DCLK2: variants seen among roughly 807,000 people sequenced by gnomAD.
DCLK2 encodes serine/threonine-protein kinase DCLK2.
A neutral mutation model predicts 78.4 loss-of-function variants in DCLK2; 31 were observed. The ratio of observed to expected loss-of-function variants is 0.40; its 90% CI spans 0.30 to 0.53. The LOEUF (loss-of-function observed/expected upper bound fraction) is 0.53, where lower values mean the gene tolerates loss of function less well. DCLK2 is among the 20% of genes least tolerant of loss of function. DCLK2 has a pLI of 0.61. For synonymous variants in DCLK2, 407 were observed against 374.9 expected (o/e 1.09, Z -0.99); for missense variants, 872 against 973.7 (o/e 0.90, Z 1.39).
intron 2 of DCLK2, among the ~76,000 whole-genome samples, chr4:150,144,891 T>C (rs1349574958): frequency 2.0e-5 from 3 of 152,212 alleles, no homozygotes; most frequent in African/African-American, 7.2e-5. Context: ...TAGCGTGTTT[T>C]CTCTAATTCT....
intron 2 of DCLK2, among the ~76,000 whole-genome samples, chr4:150,184,333 A>G (rs1231840632): frequency 6.6e-6 from 1 of 152,200 alleles, no homozygotes; most frequent in Non-Finnish European, 1.5e-5. Flanking sequence ...AGCCACTTAA[A>G]ATAGTGTTTC....
At chr4:150,142,332 A>G (rs1296670295) in intron 2 of DCLK2, among the ~76,000 whole-genome samples, 1 of 152,196 alleles carries the variant, frequency 6.6e-6, no homozygotes, top group Non-Finnish European at 1.5e-5. Flanking sequence ...GGGTAATTTG[A>G]GATGTCGTGA....
chr4:150,230,157 C>G (rs1741929939), intron 8 of DCLK2, among the ~76,000 whole-genome samples: 1 of 152,140 alleles, frequency 6.6e-6, no homozygotes, highest in East Asian at 1.9e-4. Flanking sequence ...AAGTAGAATT[C>G]AGTAGGCTAA....
At position 150,080,111 on chromosome 4, in the gene DCLK2, G is replaced by GCC. The variant is rs540978992; in HGVS notation, c.421+672_421+673dup. Among the ~76,000 whole-genome samples the GCC allele has an allele frequency of 1.9e-3, 244 of 129,620 alleles. 7 individuals carry two copies. The highest frequency in any genetic ancestry group is 4.8e-3 in the African/African-American group (178 of 37,364). 85.0% of individuals were successfully genotyped at this position (129,620 alleles called of 152,430 possible). A position where few individuals can be genotyped will look rare whatever the true frequency, so the allele number is the denominator to read the frequency against. The stretch of plus-strand genomic sequence containing the variant: ...GGGTTAGGCGTCTGGAGTCTCAAAA[G>GCC]CCCCCCCCCCAGGTGATTCTAATGT... On this transcript the variant is annotated intron_variant, in intron 1 of 15. Transcript: ENST00000296550.
chr4:150,158,859 AAAAAG>A (rs1287095913), intron 2 of DCLK2, among the ~76,000 whole-genome samples: 2 of 152,092 alleles, frequency 1.3e-5, no homozygotes, highest in Admixed American at 6.6e-5. Context: ...CACCATCTCA[AAAAAG>A]AAAAGAAAAA....
intron 2 of DCLK2, among the ~76,000 whole-genome samples, chr4:150,108,791 C>A (rs572560609): frequency 1.3e-5 from 2 of 151,970 alleles, no homozygotes; most frequent in Non-Finnish European, 2.9e-5. Context: ...CCAGAAACAG[C>A]AGAGTTTCAA....
At chr4:150,213,801 G>A (rs1051467297) in intron 5 of DCLK2, among the ~76,000 whole-genome samples, 1 of 152,154 alleles carries the variant, frequency 6.6e-6, no homozygotes, top group African/African-American at 2.4e-5. Context: ...AGCAAGTCTA[G>A]AATTAGGTGA....
At chr4:150,108,730 A>T (rs1019924486) in intron 2 of DCLK2, among the ~76,000 whole-genome samples, 7 of 152,124 alleles carry the variant, frequency 4.6e-5, no homozygotes, top group Non-Finnish European at 1.0e-4. Flanking sequence ...AAAAGGTCCA[A>T]ATATAGCTTT....
At chr4:150,130,747 A>G (rs1733255792) in intron 2 of DCLK2, among the ~76,000 whole-genome samples, 1 of 152,060 alleles carries the variant, frequency 6.6e-6, no homozygotes, top group African/African-American at 2.4e-5. Flanking sequence ...CTCACTCTAG[A>G]TGTGATCTAG....
chr4:150,211,921 G>C (rs1740349451), intron 5 of DCLK2, among the ~76,000 whole-genome samples: 1 of 152,078 alleles, frequency 6.6e-6, no homozygotes, highest in Admixed American at 6.5e-5. Context: ...CATTTTCTTT[G>C]GGACAGATAG....
At chr4:150,206,629 C>T (rs377337590) in intron 5 of DCLK2, among the ~76,000 whole-genome samples, 8 of 152,008 alleles carry the variant, frequency 5.3e-5, no homozygotes, top group South Asian at 2.1e-4. Flanking sequence ...GTTAACTTGC[C>T]GAAAAACCTA....
intron 5 of DCLK2, among the ~76,000 whole-genome samples, chr4:150,207,216 C>G (rs1226737851): frequency 6.6e-6 from 1 of 152,144 alleles, no homozygotes; most frequent in Non-Finnish European, 1.5e-5. Flanking sequence ...AACCAAGCCA[C>G]GACAGCATGT....
intron 2 of DCLK2, among the ~76,000 whole-genome samples, chr4:150,174,287 C>T (rs927857152): frequency 6.6e-5 from 10 of 152,314 alleles, no homozygotes; most frequent in African/African-American, 2.4e-4. Context: ...GGAATCTGTT[C>T]TCATTGTCAG....
In DCLK2 at chr4:150,189,820, G is replaced by A. The variant is rs188008496; in HGVS notation, c.757-3318G>A. ...TTTGGCAAACCTGTATCAAGCACCCGCTAAAGCCAGGAACTCTACTAGACC... is the reference window on the plus strand; with the variant it reads ...TTTGGCAAACCTGTATCAAGCACCCACTAAAGCCAGGAACTCTACTAGACC... On this transcript the variant is annotated intron_variant, in intron 2 of 15. Transcript: ENST00000296550. Among the ~76,000 whole-genome samples, 9 of 151,720 alleles carry A rather than the reference G, an allele frequency of 5.9e-5. No individual in the cohort carries two copies. In the East Asian group the frequency reaches 1.4e-3, roughly 23 times the overall value.
In DCLK2 at chr4:150,078,564, CCCACGCT is replaced by C. The variant is rs1728984328; in HGVS notation, c.-461_-455del. The C allele has an allele frequency of 6.6e-6, 1 of 151,310 alleles. No homozygotes were observed. The highest frequency in any genetic ancestry group is 2.4e-5 in the African/African-American group (1 of 41,302). 9.4% of individuals were successfully genotyped at this position (151,310 alleles called of 1,614,324 possible). Reference sequence around the variant, plus strand: ...CCGCGCGACTCCCCCGGGGGCCTCTCCCACGCTCCGCGCCCCGCCCCACCCTTCCTTC... The same window carrying C: ...CCGCGCGACTCCCCCGGGGGCCTCTCCCGCGCCCCGCCCCACCCTTCCTTC... On this transcript the variant is annotated 5_prime_UTR_variant, in exon 1 of 16. Transcript: ENST00000296550.
chr4:150,120,996 G>T (rs933605755), intron 2 of DCLK2, among the ~76,000 whole-genome samples: 2 of 152,094 alleles, frequency 1.3e-5, no homozygotes, highest in Admixed American at 6.6e-5. Flanking sequence ...ACTTATACCT[G>T]GGGGGCAGAG....
At chr4:150,130,263 A>G (rs1442635347) in intron 2 of DCLK2, among the ~76,000 whole-genome samples, 1 of 151,880 alleles carries the variant, frequency 6.6e-6, no homozygotes, top group African/African-American at 2.4e-5. Flanking sequence ...TGATGAGGAA[A>G]TCTAAAACAC....
chr4:150,159,447 C>T lies in DCLK2; in HGVS notation c.757-33691C>T, dbSNP rs917454500. On this transcript the variant is annotated intron_variant, in intron 2 of 15. Coordinates refer to ENST00000296550, the MANE Select transcript of DCLK2 (RefSeq NM_001040260.4). ...TCTTAGGTTCCTAATCCCTGTCTCT[C>T]ACCCACTTTGAAACCTGACACAGTC... is the stretch of plus-strand genomic sequence containing the variant. Among the ~76,000 whole-genome samples the T allele has an allele frequency of 5.3e-5, 8 of 152,238 alleles. No homozygotes were observed. The East Asian group carries it at 1.3e-3, about 26-fold the overall frequency.
intron 2 of DCLK2, among the ~76,000 whole-genome samples, chr4:150,134,387 T>G (rs2150202620): frequency 6.6e-6 from 1 of 152,270 alleles, no homozygotes; most frequent in African/African-American, 2.4e-5. Flanking sequence ...TGGCCATTTT[T>G]GTGTATAAAC....
Sources: allele counts gnomAD v4.1 joint callset (sites outside exome capture counted in the v4.1 genomes callset), GRCh38; gene constraint gnomAD v4.1.1; transcripts MANE v1.5; gene names NCBI Gene and HGNC (gene_info 2026-07-23, HGNC 2026-07-21).